Variants in WDR47 observed in about 807,000 individuals in gnomAD.
WDR47 encodes WD repeat-containing protein 47.
A neutral mutation model predicts 97.2 loss-of-function variants in WDR47; 32 were observed. That is an observed-to-expected ratio of 0.33 (90% confidence interval 0.25 to 0.44). The LOEUF is 0.44. Among genes scored for constraint, WDR47 ranks in the 20% least tolerant of loss-of-function variants. The probability of loss-of-function intolerance (pLI) is 1.00; values close to 1 mark genes in which losing one functional copy is unlikely to be tolerated. For missense variants in WDR47, 782 were observed against 1,102.3 expected, an observed-to-expected ratio of 0.71 and a Z score of 4.11; for synonymous variants, 375 against 373.5, an observed-to-expected ratio of 1.00 and a Z score of -0.05.
At chr1:109,028,333 T>C (rs548300133) in intron 1 of WDR47, among the ~76,000 whole-genome samples, 2 of 147,426 alleles carry the variant, frequency 1.4e-5, no homozygotes, top group African/African-American at 5.0e-5. Context: ...CACAGGCATG[T>C]GCCACTGGGC....
intron 2 of WDR47, among the ~76,000 whole-genome samples, chr1:109,020,145 A>C (rs1446134487): frequency 6.6e-6 from 1 of 152,176 alleles, no homozygotes; most frequent in Non-Finnish European, 1.5e-5. Context: ...TGTATATCAT[A>C]ATCATTTTAT....
chr1:108,977,237 C>G (rs938517825), intron 13 of WDR47, among the ~76,000 whole-genome samples: 1 of 152,064 alleles, frequency 6.6e-6, no homozygotes, highest in Admixed American at 6.5e-5. Context: ...CTACAACCTC[C>G]GCCTCCCAGG....
At position 109,017,501 on chromosome 1, in the gene WDR47, T is replaced by A; in HGVS notation, c.242+17A>T. The stretch of plus-strand genomic sequence containing the variant: ...CTACCAATGATGAGACACTAAAAAC[T>A]TTAGATAAAATCTTACCTTTTTTTG... On this transcript the variant is annotated intron_variant, in intron 3 of 14. Coordinates refer to ENST00000369962, the MANE Select transcript of WDR47 (RefSeq NM_001142551.2). 6.3e-7 allele frequency: 1 copy of A among 1,595,098 alleles called. No homozygotes were observed. Among genetic ancestry groups the A allele is most frequent in the Non-Finnish European group, 8.5e-7 (1 of 1,171,298 alleles).
intron 5 of WDR47, among the ~76,000 whole-genome samples, chr1:109,007,971 G>A (rs868632127): frequency 6.6e-5 from 10 of 151,758 alleles, no homozygotes; most frequent in African/African-American, 2.2e-4. Flanking sequence ...GCACAGTGGC[G>A]GGCGCCTGTA....
chr1:109,029,493 C>G (rs1662462257), intron 1 of WDR47, among the ~76,000 whole-genome samples: 1 of 151,956 alleles, frequency 6.6e-6, no homozygotes, highest in African/African-American at 2.4e-5. Context: ...AACCCTGTCT[C>G]TACTGAAAAT....
chr1:109,027,253 G>A (rs990836054), intron 1 of WDR47, among the ~76,000 whole-genome samples: 10 of 151,594 alleles, frequency 6.6e-5, no homozygotes, highest in Admixed American at 1.3e-4. Flanking sequence ...ACGGGGTTTC[G>A]CCATGTTTGC....
At chr1:108,991,992 G>C (rs1435261034) in intron 8 of WDR47, among the ~76,000 whole-genome samples, 4 of 151,804 alleles carry the variant, frequency 2.6e-5, no homozygotes, top group Non-Finnish European at 1.5e-5. Context: ...CACTGTTTAC[G>C]GCCAGCCAAA....
intron 10 of WDR47, 77 bp from the exon 11 acceptor site, chr1:108,983,528 GTTC>G: frequency 8.2e-7 from 1 of 1,218,408 alleles, no homozygotes; most frequent in Non-Finnish European, 1.1e-6. Flanking sequence ...TATTATACTT[GTTC>G]TTGAAGGAAG....
At chr1:109,021,298 C>G (rs1350711524) in intron 2 of WDR47, among the ~76,000 whole-genome samples, 3 of 152,070 alleles carry the variant, frequency 2.0e-5, no homozygotes, top group African/African-American at 7.2e-5. Context: ...GAGGCCGAGG[C>G]AGGCAGATCA....
Position 108,983,816 on chromosome 1 carries a change from CAT to C in WDR47, c.1926-367_1926-366del, listed in dbSNP as rs777229890. On this transcript the variant is annotated intron_variant, in intron 10 of 14. Coordinates refer to ENST00000369962, the MANE Select transcript of WDR47 (RefSeq NM_001142551.2). Reference sequence around the variant, plus strand: ...AAAAATGCAATAAGCATGTAATAAACATATAATAAACACATAATAAACATGTA... The same window carrying C: ...AAAAATGCAATAAGCATGTAATAAACATAATAAACACATAATAAACATGTA... Among the ~76,000 whole-genome samples the C allele has an allele frequency of 2.6e-4, 39 of 151,026 alleles. No individual in the cohort carries two copies. In the Middle Eastern group the frequency reaches 0.017, roughly 67 times the overall value.
chr1:109,038,452 G>A (rs1456584199), intron 1 of WDR47, among the ~76,000 whole-genome samples: 1 of 152,112 alleles, frequency 6.6e-6, no homozygotes, highest in Non-Finnish European at 1.5e-5. Flanking sequence ...GCCAAGGCAG[G>A]CAGGTCACTT....
At chr1:108,976,011 G>A (rs1657861449) in intron 13 of WDR47, among the ~76,000 whole-genome samples, 2 of 152,170 alleles carry the variant, frequency 1.3e-5, no homozygotes, top group South Asian at 4.1e-4. Flanking sequence ...AAATGCAAAA[G>A]GTAGGTTAGG....
At chr1:108,997,430 G>GAAA (rs1372041615) in intron 7 of WDR47, among the ~76,000 whole-genome samples, 1 of 113,300 alleles carries the variant, frequency 8.8e-6, no homozygotes, top group Non-Finnish European at 1.9e-5. Context: ...TCCCATCTCA[G>GAAA]AAAAAAAAAA....
chr1:108,994,193 C>T (rs887084319), intron 8 of WDR47, among the ~76,000 whole-genome samples: 5 of 152,052 alleles, frequency 3.3e-5, no homozygotes, highest in African/African-American at 4.8e-5. Flanking sequence ...GTCAGGAGTT[C>T]GAGACCAGCC....
rs150462971 is a variant in WDR47, at chr1:109,033,252, G to A, written c.-10+8610C>T. 4.5e-4 allele frequency among the ~76,000 whole-genome samples: 69 copies of A among 152,014 alleles called. 2 individuals carry two copies. The East Asian group carries it at 0.011, about 24-fold the overall frequency. The stretch of plus-strand genomic sequence containing the variant: ...AGAGGTGGCAGTGAGTCGAGATCAC[G>A]CCACTACACTCCAGCTTGGGCGACA... On this transcript the variant is annotated intron_variant, in intron 1 of 14. Transcript: ENST00000369962.
At chr1:109,027,937 G>A (rs1662325376) in intron 1 of WDR47, among the ~76,000 whole-genome samples, 1 of 152,140 alleles carries the variant, frequency 6.6e-6, no homozygotes, top group Admixed American at 6.6e-5. Flanking sequence ...TCACCACAAA[G>A]TTAGAACTTT....
At chr1:108,997,794 G>A (rs1659877528) in intron 7 of WDR47, among the ~76,000 whole-genome samples, 1 of 150,416 alleles carries the variant, frequency 6.6e-6, no homozygotes, top group East Asian at 2.0e-4. Context: ...GGAAGGAAAG[G>A]AAAGGGGAAA....
intron 13 of WDR47, among the ~76,000 whole-genome samples, chr1:108,977,069 T>C (rs779560959): frequency 1.1e-4 from 16 of 152,202 alleles, no homozygotes; most frequent in Non-Finnish European, 2.1e-4. Flanking sequence ...AAGGAAGCTA[T>C]TGCTGTGGTT....
intron 13 of WDR47, among the ~76,000 whole-genome samples, chr1:108,980,994 G>A (rs1369107870): frequency 6.6e-6 from 1 of 151,940 alleles, no homozygotes; most frequent in Non-Finnish European, 1.5e-5. Flanking sequence ...TGGGCATGGT[G>A]GCGGGCTCCT....
Sources: allele counts gnomAD v4.1 joint callset (sites outside exome capture counted in the v4.1 genomes callset), GRCh38; gene constraint gnomAD v4.1.1; transcripts MANE v1.5; gene names NCBI Gene and HGNC (gene_info 2026-07-23, HGNC 2026-07-21).